MDGA1: variants seen among roughly 807,000 people sequenced by gnomAD.
MDGA1 encodes the protein MAM domain-containing glycosylphosphatidylinositol anchor protein 1.
Under a neutral mutation model 101.5 loss-of-function variants are expected in MDGA1, and 54 were observed. The observed-to-expected ratio is 0.53, with a 90% CI of 0.43 to 0.67. The LOEUF (loss-of-function observed/expected upper bound fraction) is 0.67, where lower values mean the gene tolerates loss of function less well. Among genes scored for constraint, MDGA1 ranks in the 30% least tolerant of loss-of-function variants. The pLI is 0.00. For missense variants in MDGA1, 1,083 were observed against 1,323.8 expected, an observed-to-expected ratio of 0.82 and a Z score of 2.82; for synonymous variants, 533 against 558.3, an observed-to-expected ratio of 0.95 and a Z score of 0.64.
chr6:37,660,155 G>T (rs1761588503), intron 2 of MDGA1, among the ~76,000 whole-genome samples: 1 of 149,746 alleles, frequency 6.7e-6, no homozygotes. Flanking sequence ...TAGGACTACA[G>T]GTGTGTGCCA....
At chr6:37,663,377 C>T (rs73413396) in intron 2 of MDGA1, among the ~76,000 whole-genome samples, 3,348 of 152,266 alleles carry the variant, frequency 0.022, 125 homozygotes, top group African/African-American at 0.073. Flanking sequence ...ATAGAGATCA[C>T]GTTTTCTATG....
At position 37,697,796 on chromosome 6, in the gene MDGA1, G is replaced by GGGGCC. The variant is rs1436834055; in HGVS notation, c.-990_-986dup. ...TGGCCTGCGGGGGCCCAGAGCGGGC[G>GGGGCC]GGGCCGGGCCGGGCTCCGGGGCGCG... On this transcript the variant is annotated 5_prime_UTR_variant, in exon 1 of 17. Transcript: ENST00000434837. The GGGGCC allele has an allele frequency of 2.7e-5, 4 of 149,314 alleles. No individual in the cohort carries two copies. The highest frequency in any genetic ancestry group is 2.0e-4 in the East Asian group (1 of 5,090). The allele number at this position is 149,314 out of a possible 1,614,324, so 9.2% of individuals were successfully genotyped here.
rs374726248 is a variant in MDGA1 at position 37,654,804 on chromosome 6, G to A, written c.708C>T (p.Thr236=). ...DKAITFRLTN[T]TAPPALKLSV... ...TGGGGAGGAAAATGCCTGTACCCGT[G>A]GTGTTGGTGAGCCGGAAGGTGATGG... The change falls in exon 5 of 17, where the codon ACC becomes ACT. Residue 236 remains threonine (T), a synonymous_variant. Coordinates refer to ENST00000434837, the MANE Select transcript of MDGA1 (RefSeq NM_153487.4). 32 of 1,613,652 alleles carry A rather than the reference G, an allele frequency of 2.0e-5. No homozygotes were observed. Among genetic ancestry groups the A allele is most frequent in the Middle Eastern group, 3.3e-4 (2 of 6,082 alleles).
intron 1 of MDGA1, among the ~76,000 whole-genome samples, chr6:37,669,936 A>G (rs979184774): frequency 6.6e-6 from 1 of 152,236 alleles, no homozygotes; most frequent in South Asian, 2.1e-4. Context: ...GTTAAATGCT[A>G]TGATGACTCG....
chr6:37,663,706 C>T (rs960112049), intron 2 of MDGA1, among the ~76,000 whole-genome samples: 2 of 152,232 alleles, frequency 1.3e-5, no homozygotes, highest in Non-Finnish European at 2.9e-5. Flanking sequence ...TCAACAGATC[C>T]GTGGAATGGA....
chr6:37,669,006 C>T (rs980525575), intron 1 of MDGA1, among the ~76,000 whole-genome samples: 1 of 152,098 alleles, frequency 6.6e-6, no homozygotes, highest in Admixed American at 6.6e-5. Flanking sequence ...TGCCACCACG[C>T]CCAGGTAATT....
intron 1 of MDGA1, among the ~76,000 whole-genome samples, chr6:37,684,029 C>G (rs1018396643): frequency 1.3e-5 from 2 of 152,248 alleles, no homozygotes; most frequent in Non-Finnish European, 2.9e-5. Context: ...TCTTCCTCCA[C>G]CCACCACTCC....
chr6:37,652,491 T>C lies in MDGA1; in HGVS notation c.983-151A>G, dbSNP rs1322257458. The stretch of plus-strand genomic sequence containing the variant: ...CCCCCAGGTGAAACTATCACTTTTC[T>C]CTGCCTGGGAATTGTTTCATTTGTT... On this transcript the variant is annotated intron_variant, in intron 6 of 16. Transcript: ENST00000434837. This position sits in a 1 kb window ranked among gnomAD's most constrained non-coding sequence, Gnocchi z 4.3. Among the ~76,000 whole-genome samples, 1 of 152,228 alleles carries C rather than the reference T, an allele frequency of 6.6e-6. No individual in the cohort carries two copies. The highest frequency in any genetic ancestry group is 2.4e-5 in the African/African-American group (1 of 41,444).
intron 11 of MDGA1, 28 bp downstream of exon 11, chr6:37,646,170 C>G (rs755804126): frequency 3.3e-5 from 52 of 1,560,496 alleles, no homozygotes; most frequent in Non-Finnish European, 4.3e-5. Context: ...ATGGGCCCAT[C>G]CTTCCTACCG....
intron 1 of MDGA1, among the ~76,000 whole-genome samples, chr6:37,669,585 C>A (rs1761827557): frequency 6.6e-6 from 1 of 152,192 alleles, no homozygotes; most frequent in Admixed American, 6.5e-5. Flanking sequence ...TGGCTCAGGT[C>A]ACCCTTGGAA....
chr6:37,648,613 G>A, intron 9 of MDGA1: 1 of 315,914 alleles, frequency 3.2e-6, no homozygotes. Context: ...GGCTATGTTT[G>A]AAAGCGGCGC....
In MDGA1 at chr6:37,632,155, CA is replaced by C. The variant is rs1763832573; in HGVS notation, c.*5212del. On this transcript the variant is annotated 3_prime_UTR_variant, in exon 17 of 17. Transcript: ENST00000434837. ...AGAAGTCTTCCCCGAAGCCCCAACCCAAATAAGAACCCTCTTCATACCTTCT... is the reference window on the plus strand; with the variant it reads ...AGAAGTCTTCCCCGAAGCCCCAACCCAATAAGAACCCTCTTCATACCTTCT... The C allele has an allele frequency of 6.6e-6, 1 of 152,218 alleles. No homozygotes were observed. Among genetic ancestry groups the C allele is most frequent in the Admixed American group, 6.5e-5 (1 of 15,282 alleles). 9.4% of individuals were successfully genotyped at this position (152,218 alleles called of 1,614,324 possible).
Position 37,638,507 on chromosome 6 carries a change from G to A in MDGA1, c.2667+30C>T. ...CTGGCCACAGCAACCACCGAAGCCG[G>A]GGAGGGTCCTCTGGGCCCTACGGAC... On this transcript the variant is annotated intron_variant, in intron 15 of 16. Transcript: ENST00000434837. This position sits in a 1 kb window ranked among gnomAD's most constrained non-coding sequence, Gnocchi z 4.8. 2 of 1,612,340 alleles carry A rather than the reference G, an allele frequency of 1.2e-6. No individual in the cohort carries two copies. Among genetic ancestry groups the A allele is most frequent in the Non-Finnish European group, 1.7e-6 (2 of 1,178,894 alleles).
Position 37,649,108 on chromosome 6 carries a change from C to A in MDGA1, c.1768G>T (p.Ala590Ser). 1 of 1,520,820 alleles carries A rather than the reference C, an allele frequency of 6.6e-7. No homozygotes were observed. The highest frequency in any genetic ancestry group is 8.8e-7 in the Non-Finnish European group (1 of 1,137,232). 94.2% of individuals were successfully genotyped at this position (1,520,820 alleles called of 1,614,324 possible). The change falls in exon 9 of 17, where the codon GCC (alanine) becomes TCC (serine). Residue 590 changes from alanine to serine, a missense_variant. Ala to Ser is a moderately conservative substitution (Grantham distance 99). Coordinates refer to ENST00000434837, the MANE Select transcript of MDGA1 (RefSeq NM_153487.4). ...QLLPPPPVVP[A>S]AAEAPDHAEL... is the part of the protein sequence containing the mutation. ...GCGTGATCCGGCGCCTCGGCGGCGG[C>A]GGGAACAACAGGCGGCGGCGGCAGC...
chr6:37,683,506 A>G (rs1433003046), intron 1 of MDGA1, among the ~76,000 whole-genome samples: 1 of 150,292 alleles, frequency 6.7e-6, no homozygotes, highest in Non-Finnish European at 1.5e-5. Context: ...CCAATTGCCA[A>G]TGCCTGCGGG....
intron 8 of MDGA1, 93 bp downstream of exon 8, chr6:37,650,016 G>T: frequency 1.3e-6 from 2 of 1,502,356 alleles, no homozygotes; most frequent in Non-Finnish European, 1.8e-6. Context: ...GGTTTGGTTG[G>T]ACTGGGGTGG....
At chr6:37,686,063 C>T (rs1762190949) in intron 1 of MDGA1, among the ~76,000 whole-genome samples, 1 of 152,176 alleles carries the variant, frequency 6.6e-6, no homozygotes, top group Admixed American at 6.5e-5. Flanking sequence ...TAACAGAATA[C>T]AGATATTTTC....
intron 1 of MDGA1, among the ~76,000 whole-genome samples, chr6:37,691,052 G>T (rs1407181096): frequency 6.6e-6 from 1 of 152,084 alleles, no homozygotes; most frequent in Non-Finnish European, 1.5e-5. Flanking sequence ...CTTGCTACAT[G>T]ACATTTATCA....
rs1763950027 is a variant in MDGA1, at chr6:37,637,264, GCCCTGC to G, written c.*98_*103del. The G allele has an allele frequency of 1.1e-6, 1 of 915,202 alleles. No individual in the cohort carries two copies. Among genetic ancestry groups the G allele is most frequent in the Admixed American group, 2.1e-5 (1 of 47,882 alleles). 56.7% of individuals were successfully genotyped at this position (915,202 alleles called of 1,614,324 possible). A position where few individuals can be genotyped will look rare whatever the true frequency, so the allele number is the denominator to read the frequency against. ...TGCAGGCCCCCTCCCTGGCGGGCCGGCCCTGCCCCTGGGCACCCCAGCTGGCGGGGG... is the reference window on the plus strand; with the variant it reads ...TGCAGGCCCCCTCCCTGGCGGGCCGGCCCTGGGCACCCCAGCTGGCGGGGG... On this transcript the variant is annotated 3_prime_UTR_variant, in exon 17 of 17. Coordinates refer to ENST00000434837, the MANE Select transcript of MDGA1 (RefSeq NM_153487.4).
Sources: gnomAD v4.1 joint callset for allele counts (sites outside exome capture counted in the v4.1 genomes callset) on GRCh38, gnomAD v4.1.1 for gene constraint, Gnocchi (gnomAD v3.1) non-coding constraint, MANE v1.5 for transcripts, NCBI Gene and HGNC (gene_info 2026-07-23, HGNC 2026-07-21) for gene names.